ZBTB38: variants seen among roughly 807,000 people sequenced by gnomAD.
The protein encoded by ZBTB38 is zinc finger and BTB domain-containing protein 38.
ZBTB38 carries 20 observed loss-of-function variants against 76.8 expected under a neutral mutation model. The ratio of observed to expected loss-of-function variants is 0.26; its 90% CI spans 0.18 to 0.38. The LOEUF (loss-of-function observed/expected upper bound fraction) is 0.38, where lower values mean the gene tolerates loss of function less well. Ranked by LOEUF, ZBTB38 falls within the 10% of genes least tolerant of loss-of-function variation. ZBTB38 has a pLI of 1.00. For synonymous variants in ZBTB38, 504 were observed against 544.2 expected (o/e 0.93, Z 1.03); for missense variants, 1,082 against 1,482.3 (o/e 0.73, Z 4.43).
intron 5 of ZBTB38, among the ~76,000 whole-genome samples, chr3:141,431,341 A>AAAAAAAAAAAATAT: frequency 1.9e-5 from 2 of 103,296 alleles, no homozygotes; most frequent in African/African-American, 1.2e-4. Context: ...AAAAAAAAAA[A>AAAAAAAAAAAATAT]ATATATATAT....
intron 4 of ZBTB38, among the ~76,000 whole-genome samples, chr3:141,395,453 G>A (rs1950145296): frequency 6.6e-6 from 1 of 152,116 alleles, no homozygotes; most frequent in African/African-American, 2.4e-5. Flanking sequence ...CTTAGTGCAG[G>A]AGCCAGTCTA....
Position 141,442,336 on chromosome 3 carries a change from TAAAG to T in ZBTB38, c.1-50_1-47del, listed in dbSNP as rs1445907016. On this transcript the variant is annotated intron_variant, in intron 5 of 5. Transcript: ENST00000321464. The surrounding 1 kb of genome is among the most constrained non-coding windows in gnomAD (Gnocchi z 6.4). ...ACAGAAGTGGAAAATAGTCTAGAGA[TAAAG>T]AAGCCACCTGTGGAAGATTATCTGA... is the stretch of plus-strand genomic sequence containing the variant. The T allele has an allele frequency of 6.5e-6, 9 of 1,386,432 alleles. No individual in the cohort carries two copies. In the East Asian group the frequency reaches 9.2e-5, roughly 14 times the overall value. The allele number at this position is 1,386,432 out of a possible 1,614,324, so 85.9% of individuals were successfully genotyped here.
At chr3:141,369,506 T>C (rs998483425) in intron 1 of ZBTB38, among the ~76,000 whole-genome samples, 28 of 152,228 alleles carry the variant, frequency 1.8e-4, no homozygotes, top group Admixed American at 1.3e-3. Context: ...CCTCTGGAAG[T>C]TCCTACCCAA....
chr3:141,369,319 T>G (rs879801712), intron 1 of ZBTB38, among the ~76,000 whole-genome samples: 23 of 152,206 alleles, frequency 1.5e-4, no homozygotes, highest in Admixed American at 1.3e-4. Context: ...ACTGAGCACG[T>G]TTCTGATTGT....
In ZBTB38 at chr3:141,445,565, C is replaced by T; in HGVS notation, c.3177C>T (p.Ile1059=). 1 of 1,614,226 alleles carries T rather than the reference C, an allele frequency of 6.2e-7. No homozygotes were observed. Among genetic ancestry groups the T allele is most frequent in the Non-Finnish European group, 8.5e-7 (1 of 1,180,040 alleles). The change falls in exon 6 of 6, where the codon ATC becomes ATT. Residue 1059 remains isoleucine, a synonymous_variant. Transcript: ENST00000321464. This position sits in a 1 kb window ranked among gnomAD's most constrained non-coding sequence, Gnocchi z 6.5. ...GAAACTTACAGAAACATGAACGCATCCACCTGGGCTTGAAGGAGTTCGTCT... is the reference window on the plus strand; with the variant it reads ...GAAACTTACAGAAACATGAACGCATTCACCTGGGCTTGAAGGAGTTCGTCT... ...VQGNLQKHER[I]HLGLKEFVCQ... is the part of the protein sequence containing the mutation.
chr3:141,401,934 A>G (rs964416506), intron 4 of ZBTB38, among the ~76,000 whole-genome samples: 2 of 152,248 alleles, frequency 1.3e-5, no homozygotes, highest in Non-Finnish European at 2.9e-5. Context: ...ATTCCTGAGA[A>G]TTTGATGCAA....
Position 141,445,272 on chromosome 3 carries a change from G to T in ZBTB38, c.2884G>T (p.Val962Leu), listed in dbSNP as rs75545796. The T allele has an allele frequency of 4.3e-6, 7 of 1,614,172 alleles. No individual in the cohort carries two copies. The Middle Eastern group carries it at 4.9e-4, about 114-fold the overall frequency. The stretch of plus-strand genomic sequence containing the variant: ...ATACCCAGCAGAACTGGATTGCGCC[G>T]TGGGGAAGGCTCCTCAGGATAAACC... ...CKYPAELDCA[V>L]GKAPQDKPFE... The change falls in exon 6 of 6, where the codon GTG becomes TTG. Residue 962 changes from valine to leucine, a missense_variant. Physicochemically the swap from Val to Leu is conservative, Grantham distance 32 (BLOSUM62 1). Transcript: ENST00000321464. The surrounding 1 kb of genome is among the most constrained non-coding windows in gnomAD (Gnocchi z 6.5).
intron 2 of ZBTB38, among the ~76,000 whole-genome samples, chr3:141,377,821 A>G (rs1044145754): frequency 1.3e-5 from 2 of 152,222 alleles, no homozygotes; most frequent in Admixed American, 6.5e-5. Context: ...CAAGGGCATT[A>G]TGCTGAAAGC....
intron 5 of ZBTB38, among the ~76,000 whole-genome samples, chr3:141,433,424 T>C (rs116294807): frequency 0.01 from 1,570 of 152,182 alleles, 14 homozygotes; most frequent in Middle Eastern, 0.027. Flanking sequence ...CAAAGAGCTT[T>C]TGTTTATCTG....
At chr3:141,401,293 T>C (rs912333380) in intron 4 of ZBTB38, among the ~76,000 whole-genome samples, 1 of 152,210 alleles carries the variant, frequency 6.6e-6, no homozygotes, top group Non-Finnish European at 1.5e-5. Context: ...GGAGGAAGAA[T>C]AAAGGGTGCT....
chr3:141,352,598 T>C lies in ZBTB38; in HGVS notation c.-738-16023T>C, dbSNP rs1283131646. Among the ~76,000 whole-genome samples the C allele has an allele frequency of 2.0e-5, 3 of 151,946 alleles. No homozygotes were observed. In the South Asian group the frequency reaches 6.2e-4, roughly 32 times the overall value. On this transcript the variant is annotated intron_variant, in intron 1 of 7. Transcript: ENST00000509842. ...GAAAATGGGGTGATGATGGTATACATGGGTGAAGGGAACTGGGGGAGAACT... is the reference window on the plus strand; with the variant it reads ...GAAAATGGGGTGATGATGGTATACACGGGTGAAGGGAACTGGGGGAGAACT...
At chr3:141,360,341 G>A (rs1343179310) in intron 1 of ZBTB38, among the ~76,000 whole-genome samples, 3 of 152,060 alleles carry the variant, frequency 2.0e-5, no homozygotes, top group African/African-American at 4.8e-5. Flanking sequence ...TGCTTGTTTC[G>A]GCGTGTGCCT....
chr3:141,327,966 T>C (rs1323376096), intron 1 of ZBTB38, among the ~76,000 whole-genome samples: 1 of 152,242 alleles, frequency 6.6e-6, no homozygotes, highest in East Asian at 1.9e-4. Context: ...CATGCAGAAC[T>C]AGGTCATGCC....
chr3:141,326,488 T>G (rs1942678951), intron 1 of ZBTB38, among the ~76,000 whole-genome samples: 1 of 152,142 alleles, frequency 6.6e-6, no homozygotes, highest in Non-Finnish European at 1.5e-5. Context: ...CTTATCAGAG[T>G]GCAATAATGT....
chr3:141,426,955 A>T (rs986563189), intron 5 of ZBTB38, among the ~76,000 whole-genome samples: 4 of 151,742 alleles, frequency 2.6e-5, no homozygotes, highest in African/African-American at 9.7e-5. Flanking sequence ...TAGGCCAGCA[A>T]TGTCGATTTG....
intron 5 of ZBTB38, among the ~76,000 whole-genome samples, chr3:141,430,816 C>T (rs575217359): frequency 2.8e-4 from 42 of 152,252 alleles, no homozygotes; most frequent in Non-Finnish European, 4.1e-4. Flanking sequence ...TGTGCCGTCC[C>T]CCAGAGGTAG....
At chr3:141,407,947 TTGCTCTCTGCTGTG>T (rs1955191498) in intron 5 of ZBTB38, among the ~76,000 whole-genome samples, 1 of 152,238 alleles carries the variant, frequency 6.6e-6, no homozygotes, top group Non-Finnish European at 1.5e-5. Flanking sequence ...CATCATCTCA[TTGCTCTCTGCTGTG>T]TGATCACAGT....
At chr3:141,420,183 G>A (rs770921310) in intron 5 of ZBTB38, among the ~76,000 whole-genome samples, 7 of 152,138 alleles carry the variant, frequency 4.6e-5, no homozygotes, top group East Asian at 1.9e-4. Context: ...GGTGGGGCAC[G>A]AGGATGCTGG....
chr3:141,340,787 C>T (rs1295014203), intron 1 of ZBTB38, among the ~76,000 whole-genome samples: 1 of 151,572 alleles, frequency 6.6e-6, no homozygotes, highest in East Asian at 1.9e-4. Context: ...GTCCCAGCTA[C>T]TTGGGAGGCT....
Sources: allele counts gnomAD v4.1 joint callset (sites outside exome capture counted in the v4.1 genomes callset), GRCh38; gene constraint gnomAD v4.1.1; non-coding constraint Gnocchi (gnomAD v3.1); transcripts MANE v1.5; gene names NCBI Gene and HGNC (gene_info 2026-07-23, HGNC 2026-07-21).